Variants in KCNK2 observed in about 807,000 individuals in gnomAD.
KCNK2 encodes potassium two pore domain channel subfamily K member 2.
Under a neutral mutation model 40.5 loss-of-function variants are expected in KCNK2, and 21 were observed. The observed-to-expected ratio is 0.52, with a 90% CI of 0.37 to 0.75. The LOEUF is 0.75. Among genes scored for constraint, KCNK2 ranks in the 30% least tolerant of loss-of-function variants. The pLI is 0.00. For missense variants in KCNK2, 399 were observed against 531.6 expected (o/e 0.75, Z 2.45); for synonymous variants, 191 against 202.2 (o/e 0.94, Z 0.47).
In KCNK2 at chr1:215,083,451, AC is replaced by A; in HGVS notation, c.46+25del. ...CAGGAGGTGAGACCCCCCCTCCGGT[AC>A]CCCCACCCCTCTGGCCGCACGCTCT... On this transcript the variant is annotated intron_variant, in intron 1 of 6. Transcript: ENST00000444842. The A allele has an allele frequency of 1.9e-6, 3 of 1,563,586 alleles. No individual in the cohort carries two copies. Among genetic ancestry groups the A allele is most frequent in the South Asian group, 1.1e-5 (1 of 89,968 alleles).
intron 5 of KCNK2, among the ~76,000 whole-genome samples, chr1:215,179,825 A>C (rs1303207458): frequency 6.6e-6 from 1 of 152,134 alleles, no homozygotes; most frequent in Non-Finnish European, 1.5e-5. Context: ...GATGAGAAAA[A>C]TGTATATTCT....
chr1:215,137,474 A>G (rs1310556828), intron 3 of KCNK2, among the ~76,000 whole-genome samples: 1 of 152,200 alleles, frequency 6.6e-6, no homozygotes, highest in African/African-American at 2.4e-5. Flanking sequence ...TGGCCTCCAA[A>G]GCTGAAAATA....
intron 6 of KCNK2, among the ~76,000 whole-genome samples, chr1:215,209,476 T>TTATATATAAAATATAATATATATTA (rs1665517249): frequency 4.6e-5 from 2 of 43,194 alleles, no homozygotes; most frequent in Non-Finnish European, 8.4e-5. Flanking sequence ...ATAATATATA[T>TTATATATAAAATATAATATATATTA]TATATATAAT....
chr1:215,223,737 G>A (rs775936366), intron 6 of KCNK2, among the ~76,000 whole-genome samples: 1 of 151,992 alleles, frequency 6.6e-6, no homozygotes, highest in African/African-American at 2.4e-5. Flanking sequence ...AATGCTGTTC[G>A]GACACTCATC....
chr1:215,186,493 TAGAGCATA>T (rs1220192041), intron 5 of KCNK2, among the ~76,000 whole-genome samples: 3 of 152,222 alleles, frequency 2.0e-5, no homozygotes, highest in Non-Finnish European at 4.4e-5. Flanking sequence ...TATGATATAG[TAGAGCATA>T]ATACATTTCT....
At chr1:215,189,265 A>G (rs1664568444) in intron 5 of KCNK2, among the ~76,000 whole-genome samples, 1 of 152,222 alleles carries the variant, frequency 6.6e-6, no homozygotes. Flanking sequence ...AGTATTGTAA[A>G]AACATGTGGA....
intron 3 of KCNK2, among the ~76,000 whole-genome samples, chr1:215,148,797 G>C (rs540420749): frequency 2.8e-4 from 42 of 152,160 alleles, no homozygotes; most frequent in Non-Finnish European, 5.9e-4. Flanking sequence ...AAAGGGTAAG[G>C]AATGACTGTG....
chr1:215,228,260 T>C (rs1666474391), intron 6 of KCNK2, among the ~76,000 whole-genome samples: 1 of 152,074 alleles, frequency 6.6e-6, no homozygotes, highest in East Asian at 1.9e-4. Context: ...ACCCGAACAG[T>C]GAGACAACAG....
intron 2 of KCNK2, among the ~76,000 whole-genome samples, chr1:215,119,719 C>G (rs1001993481): frequency 3.3e-5 from 5 of 152,148 alleles, no homozygotes; most frequent in African/African-American, 1.2e-4. Context: ...TAACCTAAAC[C>G]ATTCAACTTA....
At chr1:215,155,174 CTATT>C (rs1571673934) in intron 3 of KCNK2, among the ~76,000 whole-genome samples, 1 of 152,130 alleles carries the variant, frequency 6.6e-6, no homozygotes, top group Non-Finnish European at 1.5e-5. Flanking sequence ...TTCCCCATCA[CTATT>C]TAGTGAATAA....
At chr1:215,140,842 C>T (rs1308226344) in intron 3 of KCNK2, among the ~76,000 whole-genome samples, 1 of 152,088 alleles carries the variant, frequency 6.6e-6, no homozygotes, top group East Asian at 1.9e-4. Flanking sequence ...AATAAATTAG[C>T]TTTCCATAAC....
chr1:215,033,860 A>G (rs569535766), intron 1 of KCNK2, among the ~76,000 whole-genome samples: 4 of 152,326 alleles, frequency 2.6e-5, no homozygotes, highest in South Asian at 4.1e-4. Flanking sequence ...CCCTGTCTGA[A>G]GCATGAGGGA....
intron 1 of KCNK2, 89 bp from the exon 2 acceptor site, chr1:215,086,279 A>G (rs1408556786): frequency 8.2e-6 from 9 of 1,095,460 alleles, no homozygotes; most frequent in Non-Finnish European, 1.1e-5. Flanking sequence ...GCGGAATTCA[A>G]TCAACCTTCT....
chr1:215,017,965 C>T (rs529543550), intron 1 of KCNK2, among the ~76,000 whole-genome samples: 2 of 152,164 alleles, frequency 1.3e-5, no homozygotes, highest in East Asian at 1.9e-4. Context: ...AAATAACACA[C>T]ATCAAGTATT....
At chr1:215,119,998 T>C (rs1040589606) in intron 2 of KCNK2, among the ~76,000 whole-genome samples, 1 of 152,090 alleles carries the variant, frequency 6.6e-6, no homozygotes, top group Admixed American at 6.6e-5. Context: ...AAATACAAAA[T>C]AGACTTACAA....
At chr1:215,098,347 C>T (rs930500298) in intron 2 of KCNK2, among the ~76,000 whole-genome samples, 8 of 151,808 alleles carry the variant, frequency 5.3e-5, no homozygotes, top group African/African-American at 7.3e-5. Flanking sequence ...GTCATGGTGA[C>T]TCTTGAGCCT....
chr1:215,227,943 T>G (rs1388821651), intron 6 of KCNK2, among the ~76,000 whole-genome samples: 1 of 108,064 alleles, frequency 9.3e-6, no homozygotes, highest in African/African-American at 3.4e-5. Flanking sequence ...GGTACCATGA[T>G]GTGATATTAA....
chr1:215,122,245 T>A (rs541537349), intron 2 of KCNK2, among the ~76,000 whole-genome samples: 1 of 152,270 alleles, frequency 6.6e-6, no homozygotes, highest in East Asian at 1.9e-4. Context: ...ATAGATTTCA[T>A]CTATTTCCAA....
intron 1 of KCNK2, among the ~76,000 whole-genome samples, chr1:215,083,838 C>T (rs1659297786): frequency 6.6e-6 from 1 of 152,228 alleles, no homozygotes; most frequent in East Asian, 1.9e-4. Flanking sequence ...AGTGGTCAGT[C>T]GCCGCTGGAG....
Sources: allele counts gnomAD v4.1 joint callset (sites outside exome capture counted in the v4.1 genomes callset), GRCh38; gene constraint gnomAD v4.1.1; transcripts MANE v1.5; gene names NCBI Gene and HGNC (gene_info 2026-07-23, HGNC 2026-07-21).